The following KAZN variants were observed in gnomAD, a reference collection of about 807,000 sequenced individuals.
The protein encoded by KAZN is kazrin, periplakin interacting protein, also known as kazrin.
KAZN carries 40 observed loss-of-function variants against 87.4 expected under a neutral mutation model. That is an observed-to-expected ratio of 0.46 (90% CI 0.36 to 0.60). The LOEUF (loss-of-function observed/expected upper bound fraction) is 0.60. KAZN is among the 20% of genes least tolerant of loss of function. KAZN has a pLI of 0.00. For synonymous variants in KAZN, 466 were observed against 458.3 expected (o/e 1.02, Z -0.22); for missense variants, 898 against 1,073.9 (o/e 0.84, Z 2.29).
At chr1:14,178,814 C>T (rs1327266948) in intron 1 of KAZN, among the ~76,000 whole-genome samples, 2 of 152,088 alleles carry the variant, frequency 1.3e-5, no homozygotes, top group Non-Finnish European at 2.9e-5. Context: ...AAAATGCTAA[C>T]TTTTTTGGCA....
At chr1:14,595,928 C>T (rs1481124552), upstream of KAZN, among the ~76,000 whole-genome samples, 1 of 152,048 alleles carries the variant, frequency 6.6e-6, no homozygotes, top group Admixed American at 6.6e-5. Context: ...GTTTCTAAAG[C>T]AGCTTCTTGA....
intron 2 of KAZN, among the ~76,000 whole-genome samples, chr1:14,283,237 G>C (rs1049079735): frequency 6.6e-6 from 1 of 152,092 alleles, no homozygotes; most frequent in Non-Finnish European, 1.5e-5. Context: ...ACTCTATCAA[G>C]GCATTTTGTC....
chr1:14,845,559 G>GGA (rs1648645889), intron 1 of KAZN, among the ~76,000 whole-genome samples: 4 of 145,434 alleles, frequency 2.8e-5, no homozygotes, highest in African/African-American at 1.0e-4. Flanking sequence ...AGATGGGTGG[G>GGA]TGGATGGATG....
chr1:13,981,811 A>G (rs1363397007), intron 1 of KAZN, among the ~76,000 whole-genome samples: 2 of 152,110 alleles, frequency 1.3e-5, no homozygotes. Context: ...ATGACTGTGG[A>G]TGCTTTTACA....
chr1:15,079,072 T>A (rs915844684), intron 8 of KAZN, among the ~76,000 whole-genome samples: 3 of 152,088 alleles, frequency 2.0e-5, no homozygotes, highest in Non-Finnish European at 4.4e-5. Flanking sequence ...TGCAAGATAG[T>A]CACATAGAAG....
At chr1:14,419,831 G>A (rs1053481131) in intron 2 of KAZN, among the ~76,000 whole-genome samples, 5 of 152,158 alleles carry the variant, frequency 3.3e-5, no homozygotes, top group East Asian at 1.9e-4. Context: ...GCTGGTCTCG[G>A]AAGTGAAGCC....
intron 2 of KAZN, among the ~76,000 whole-genome samples, chr1:14,381,309 A>G (rs1238560482): frequency 6.6e-6 from 1 of 152,156 alleles, no homozygotes; most frequent in Non-Finnish European, 1.5e-5. Context: ...GGACTGAACC[A>G]TGAGCCATTC....
intron 2 of KAZN, among the ~76,000 whole-genome samples, chr1:14,573,545 G>A (rs976761347): frequency 6.6e-6 from 1 of 152,136 alleles, no homozygotes; most frequent in Non-Finnish European, 1.5e-5. Context: ...TACTAGAGAA[G>A]CTGAGGCAGA....
intron 1 of KAZN, among the ~76,000 whole-genome samples, chr1:14,143,654 A>T (rs1280306360): frequency 6.6e-6 from 1 of 152,072 alleles, no homozygotes; most frequent in African/African-American, 2.4e-5. Flanking sequence ...GTCTTGCACA[A>T]ATTTTGCCCT....
chr1:14,954,985 G>T (rs1662913732), intron 1 of KAZN, among the ~76,000 whole-genome samples: 2 of 152,168 alleles, frequency 1.3e-5, no homozygotes, highest in Non-Finnish European at 2.9e-5. Context: ...TGCCTAGCAG[G>T]TACCATACTA....
chr1:13,988,329 G>A (rs1639118242), intron 1 of KAZN, among the ~76,000 whole-genome samples: 1 of 151,982 alleles, frequency 6.6e-6, no homozygotes, highest in African/African-American at 2.4e-5. Flanking sequence ...AATAATGTTA[G>A]CTGCTGTAAC....
At chr1:13,942,624 C>T (rs943980539) in intron 1 of KAZN, among the ~76,000 whole-genome samples, 30 of 148,170 alleles carry the variant, frequency 2.0e-4, no homozygotes, top group African/African-American at 7.5e-4. Flanking sequence ...ATTGTTCATA[C>T]ACAATCTCTG....
chr1:14,231,224 A>G (rs1647797222), intron 2 of KAZN, among the ~76,000 whole-genome samples: 1 of 152,212 alleles, frequency 6.6e-6, no homozygotes, highest in African/African-American at 2.4e-5. Context: ...AGCCAATGAG[A>G]TGACTGTCAT....
intron 2 of KAZN, among the ~76,000 whole-genome samples, chr1:15,007,539 A>C (rs1669146284): frequency 6.6e-6 from 1 of 152,158 alleles, no homozygotes; most frequent in Non-Finnish European, 1.5e-5. Flanking sequence ...GGACCCAGGG[A>C]GCAGGAGGAG....
chr1:14,891,819 T>C (rs1028746495), intron 1 of KAZN, among the ~76,000 whole-genome samples: 2 of 152,194 alleles, frequency 1.3e-5, no homozygotes, highest in African/African-American at 4.8e-5. Context: ...TTTTATGCAA[T>C]GAATAGCTAT....
chr1:14,151,120 AC>A (rs774759917), intron 1 of KAZN, among the ~76,000 whole-genome samples: 10 of 152,214 alleles, frequency 6.6e-5, no homozygotes, highest in African/African-American at 9.6e-5. Context: ...CACATGCTAT[AC>A]CGTCTTCATC....
Position 15,101,634 on chromosome 1 carries a change from A to ATGGGCG in KAZN, c.1639_1640insTGGGCG (p.Asn547delinsMetGlyAsp). The stretch of plus-strand genomic sequence containing the variant: ...GTCCCAGTACTCCCAGGCCTTTCAG[A>ATGGGCG]ACCACCTGGTTGATGGGCGGATGCT... On this transcript the variant is annotated protein_altering_variant, in exon 11 of 15. Coordinates refer to ENST00000376030, the MANE Select transcript of KAZN (RefSeq NM_201628.3). 1 of 1,567,050 alleles carries ATGGGCG rather than the reference A, an allele frequency of 6.4e-7. No homozygotes were observed.
At chr1:14,649,428 G>A (rs921564182) in intron 1 of KAZN, among the ~76,000 whole-genome samples, 1 of 152,188 alleles carries the variant, frequency 6.6e-6, no homozygotes, top group Non-Finnish European at 1.5e-5. Flanking sequence ...CCCAGGCAGT[G>A]TTCTCCAGAG....
At chr1:14,818,841 G>A (rs1646652553) in intron 1 of KAZN, among the ~76,000 whole-genome samples, 1 of 152,086 alleles carries the variant, frequency 6.6e-6, no homozygotes, top group Non-Finnish European at 1.5e-5. Context: ...GATCACTTGA[G>A]GTCAGCAGTT....
Sources: allele counts gnomAD v4.1 joint callset (sites outside exome capture counted in the v4.1 genomes callset), GRCh38; gene constraint gnomAD v4.1.1; transcripts MANE v1.5; gene names NCBI Gene and HGNC (gene_info 2026-07-23, HGNC 2026-07-21).